Variants in PAK2 observed in about 807,000 individuals in gnomAD.
PAK2 encodes the protein serine/threonine-protein kinase PAK 2.
A neutral mutation model predicts 65.9 loss-of-function variants in PAK2; 21 were observed. That is an observed-to-expected ratio of 0.32 (90% CI 0.23 to 0.46). PAK2 has a LOEUF of 0.46. Among genes scored for constraint, PAK2 ranks in the 20% least tolerant of loss-of-function variants. PAK2 has a pLI of 1.00. For missense variants in PAK2, 324 were observed against 642.6 expected, an observed-to-expected ratio of 0.50 and a Z score of 5.36; for synonymous variants, 204 against 219.7, an observed-to-expected ratio of 0.93 and a Z score of 0.63.
chr3:196,759,498 G>GTTTTTGTT (rs1713882169), intron 1 of PAK2, among the ~76,000 whole-genome samples: 1 of 108,116 alleles, frequency 9.2e-6, no homozygotes, highest in Non-Finnish European at 1.8e-5. Flanking sequence ...GGTTTTTTTT[G>GTTTTTGTT]TTTTTTTTTT....
At chr3:196,748,443 G>C (rs377086363) in intron 1 of PAK2, among the ~76,000 whole-genome samples, 2 of 152,122 alleles carry the variant, frequency 1.3e-5, no homozygotes, top group Admixed American at 6.6e-5. Context: ...GTATCATACC[G>C]ACTGGTTTCC....
At chr3:196,823,567 A>C (rs10452048) in intron 13 of PAK2, among the ~76,000 whole-genome samples, 77 of 151,256 alleles carry the variant, frequency 5.1e-4, no homozygotes, top group Middle Eastern at 6.8e-3. Flanking sequence ...AAACAAACAA[A>C]CAAAAAAAAC....
At chr3:196,812,030 T>G (rs765748535) in intron 8 of PAK2, among the ~76,000 whole-genome samples, 189 bp from the exon 9 acceptor site, 23 of 152,164 alleles carry the variant, frequency 1.5e-4, no homozygotes, top group Non-Finnish European at 2.8e-4. Flanking sequence ...CACATAAGTT[T>G]TGCCGTAAGG....
chr3:196,758,556 C>G (rs1004741348), intron 1 of PAK2, among the ~76,000 whole-genome samples: 1 of 152,238 alleles, frequency 6.6e-6, no homozygotes, highest in African/African-American at 2.4e-5. Context: ...GAAAGTTAGA[C>G]AGGAGCCTGA....
intron 1 of PAK2, among the ~76,000 whole-genome samples, chr3:196,767,755 G>A (rs370645702): frequency 9.9e-5 from 15 of 152,022 alleles, no homozygotes; most frequent in Non-Finnish European, 1.9e-4. Context: ...CGGCCTCCCA[G>A]AGTGCTGGGA....
At position 196,807,833 on chromosome 3, in the gene PAK2, C is replaced by T. The variant is rs964159843; in HGVS notation, c.628C>T (p.His210Tyr). 3 of 1,612,688 alleles carry T rather than the reference C, an allele frequency of 1.9e-6. No homozygotes were observed. In the African/African-American group the frequency reaches 4.0e-5, roughly 22 times the overall value. ...DPVPAPVGDS[H>Y]VDGAAKSLDK... Reference sequence around the variant, plus strand: ...TGTTCCTGCACCAGTTGGTGATTCACATGTTGATGGTGCTGCCAAGTCTTT... The same window carrying T: ...TGTTCCTGCACCAGTTGGTGATTCATATGTTGATGGTGCTGCCAAGTCTTT... Residue 210 changes from histidine to tyrosine, a missense_variant, in exon 7 of 15, where the codon CAT becomes TAT. His to Tyr is a moderately conservative substitution (Grantham distance 83). Transcript: ENST00000327134.
chr3:196,766,452 C>T (rs1714172571), intron 1 of PAK2, among the ~76,000 whole-genome samples: 1 of 152,150 alleles, frequency 6.6e-6, no homozygotes, highest in African/African-American at 2.4e-5. Context: ...TGCCAATTTA[C>T]ATTCAATTCT....
At chr3:196,789,064 G>A (rs1241233244) in intron 2 of PAK2, among the ~76,000 whole-genome samples, 1 of 152,180 alleles carries the variant, frequency 6.6e-6, no homozygotes, top group East Asian at 1.9e-4. Flanking sequence ...AGTTAGGAGA[G>A]AATGGTAGGT....
chr3:196,742,825 G>A (rs996994989), intron 1 of PAK2, among the ~76,000 whole-genome samples: 3 of 152,204 alleles, frequency 2.0e-5, no homozygotes, highest in African/African-American at 7.2e-5. Flanking sequence ...GCTGAGGCCG[G>A]AGAATGGCGT....
rs1362364830 is a variant in PAK2, at chr3:196,829,645, C to G, written c.*1240C>G. On this transcript the variant is annotated 3_prime_UTR_variant, in exon 15 of 15. Coordinates refer to ENST00000327134, the MANE Select transcript of PAK2 (RefSeq NM_002577.4). ...AGACTTGGCGGCGGTGGCATTGCCC[C>G]AGGTCGTCAGCAGTGTGGTATTATC... The G allele has an allele frequency of 6.6e-6, 1 of 152,100 alleles. No homozygotes were observed. Among genetic ancestry groups the G allele is most frequent in the Non-Finnish European group, 1.5e-5 (1 of 68,028 alleles). 9.4% of individuals were successfully genotyped at this position (152,100 alleles called of 1,614,324 possible). A position where few individuals can be genotyped will look rare whatever the true frequency, so the allele number is the denominator to read the frequency against.
intron 4 of PAK2, 152 bp downstream of exon 4, chr3:196,803,316 G>A (rs1715478679): frequency 9.1e-6 from 5 of 550,610 alleles, no homozygotes; most frequent in Non-Finnish European, 1.5e-5. Context: ...GACTGATCCA[G>A]GGCAGTTCTG....
chr3:196,811,257 C>T lies in PAK2; in HGVS notation c.773+604C>T, dbSNP rs1373883918. On this transcript the variant is annotated intron_variant, in intron 8 of 14. Transcript: ENST00000327134. ...TCCCTTCCTTCCCTCCCTCCCCTCCCTCCCTTCCTTCCCTTCCCTCCCTTC... is the reference window on the plus strand; with the variant it reads ...TCCCTTCCTTCCCTCCCTCCCCTCCTTCCCTTCCTTCCCTTCCCTCCCTTC... Among the ~76,000 whole-genome samples, 30 of 56,442 alleles carry T rather than the reference C, an allele frequency of 5.3e-4. 1 individual carries two copies. The highest frequency in any genetic ancestry group is 9.2e-4 in the Non-Finnish European group (25 of 27,090). 37.0% of individuals were successfully genotyped at this position (56,442 alleles called of 152,430 possible).
chr3:196,782,553 G>A (rs1560102390), intron 1 of PAK2, 73 bp from the exon 2 acceptor site: 2 of 668,218 alleles, frequency 3.0e-6, no homozygotes, highest in Non-Finnish European at 5.2e-6. Flanking sequence ...TGTGGCAGGG[G>A]TAGTTATTAC....
intron 1 of PAK2, among the ~76,000 whole-genome samples, chr3:196,770,086 T>C (rs983051024): frequency 6.6e-6 from 1 of 151,902 alleles, no homozygotes; most frequent in Non-Finnish European, 1.5e-5. Context: ...TGAGACCTTG[T>C]CTCTGCTAAA....
intron 1 of PAK2, among the ~76,000 whole-genome samples, chr3:196,767,671 C>T (rs1714216787): frequency 6.6e-6 from 1 of 151,858 alleles, no homozygotes; most frequent in Admixed American, 6.6e-5. Context: ...TCTGTGTGTG[C>T]TTTTAGTAGA....
At chr3:196,750,552 A>G (rs1418780374) in intron 1 of PAK2, among the ~76,000 whole-genome samples, 1 of 151,852 alleles carries the variant, frequency 6.6e-6, no homozygotes, top group Non-Finnish European at 1.5e-5. Context: ...ACATTTTTGC[A>G]TCTTATATTT....
At chr3:196,817,220 A>G (rs1189399037) in intron 11 of PAK2, among the ~76,000 whole-genome samples, 5 of 130,754 alleles carry the variant, frequency 3.8e-5, no homozygotes, top group Admixed American at 1.9e-4. Context: ...GCTGGAGTGC[A>G]GTGGCACAAT....
At chr3:196,770,313 G>A (rs1714321010) in intron 1 of PAK2, among the ~76,000 whole-genome samples, 2 of 151,988 alleles carry the variant, frequency 1.3e-5, no homozygotes, top group South Asian at 2.1e-4. Flanking sequence ...ATTTTACTTA[G>A]CATATTATTT....
intron 1 of PAK2, among the ~76,000 whole-genome samples, chr3:196,773,989 C>A (rs1029727060): frequency 6.6e-6 from 1 of 152,086 alleles, no homozygotes; most frequent in Non-Finnish European, 1.5e-5. Flanking sequence ...GCCGAGATCA[C>A]GCCACTGCAC....
Sources: allele counts gnomAD v4.1 joint callset (sites outside exome capture counted in the v4.1 genomes callset), GRCh38; gene constraint gnomAD v4.1.1; transcripts MANE v1.5; gene names NCBI Gene and HGNC (gene_info 2026-07-23, HGNC 2026-07-21).